CNOT10: variants seen among roughly 807,000 people sequenced by gnomAD.
The protein encoded by CNOT10 is CCR4-NOT transcription complex, subunit 10.
CNOT10 carries 30 observed loss-of-function variants against 94.6 expected under a neutral mutation model. The ratio of observed to expected loss-of-function variants is 0.32; its 90% CI spans 0.24 to 0.43. The LOEUF (loss-of-function observed/expected upper bound fraction) is 0.43. Ranked by LOEUF, CNOT10 falls within the 20% of genes least tolerant of loss-of-function variation. The probability of loss-of-function intolerance (pLI) is 1.00; values close to 1 mark genes in which losing one functional copy is unlikely to be tolerated. For missense variants in CNOT10, 759 were observed against 877.2 expected, an observed-to-expected ratio of 0.87 and a Z score of 1.70; for synonymous variants, 289 against 301.6, an observed-to-expected ratio of 0.96 and a Z score of 0.43.
chr3:32,716,298 C>G lies in CNOT10; in HGVS notation c.647C>G (p.Ser216Ter). The G allele has an allele frequency of 6.3e-7, 1 of 1,576,756 alleles. No homozygotes were observed. The highest frequency in any genetic ancestry group is 8.7e-7 in the Non-Finnish European group (1 of 1,151,862). Residue 216 changes from serine to a stop codon, truncating the protein, a stop_gained, in exon 6 of 19, where the codon TCA becomes TGA. Transcript: ENST00000328834. LOFTEE classifies it high-confidence loss of function. ...ESGALIEAAK[S>*]KIHQYKVRAY... ...GGAGCTCTAATAGAAGCTGCAAAAT[C>G]AAAGATACATCAGGTAGTATAAATT... is the stretch of plus-strand genomic sequence containing the variant.
At position 32,737,412 on chromosome 3, in the gene CNOT10, G is replaced by T. The variant is rs763029728; in HGVS notation, c.1517G>T (p.Ser506Ile). ...TAAGACTCTTACCTCTATTTTAGCA[G>T]TAAAAGCCATGATGGAGATAAATTC... is the stretch of plus-strand genomic sequence containing the variant. ...ESSESSETCS[S>I]KSHDGDKFIP... The change falls in exon 13 of 19, where the codon AGT becomes ATT. Residue 506 changes from serine to isoleucine, a missense_variant and splice_region_variant. By Grantham distance (142) the Ser-to-Ile change is moderately radical (BLOSUM62 -2). This residue lies in a region of CNOT10 where 682 missense variants were observed against 799.4 expected (regional missense o/e 0.85). Transcript: ENST00000328834. 7 of 1,599,690 alleles carry T rather than the reference G, an allele frequency of 4.4e-6. No homozygotes were observed. The highest frequency in any genetic ancestry group is 6.0e-6 in the Non-Finnish European group (7 of 1,168,456).
chr3:32,767,864 A>G (rs1422569887), intron 17 of CNOT10, among the ~76,000 whole-genome samples: 1 of 152,176 alleles, frequency 6.6e-6, no homozygotes, highest in Non-Finnish European at 1.5e-5. Flanking sequence ...AGAGCTTTTG[A>G]TCTAAAGTTA....
chr3:32,755,891 G>A (rs1267765414), intron 13 of CNOT10, among the ~76,000 whole-genome samples: 1 of 151,898 alleles, frequency 6.6e-6, no homozygotes, highest in Non-Finnish European at 1.5e-5. Flanking sequence ...AAAAGCTAGT[G>A]TCTCTTCCCT....
intron 5 of CNOT10, chr3:32,715,928 C>G (rs1698097980): frequency 4.8e-6 from 1 of 210,092 alleles, no homozygotes; most frequent in East Asian, 1.1e-4. Flanking sequence ...ACCTCAGCTT[C>G]CTGAGTAGCT....
At chr3:32,738,732 G>A (rs2125587826) in intron 13 of CNOT10, among the ~76,000 whole-genome samples, 1 of 152,042 alleles carries the variant, frequency 6.6e-6, no homozygotes, top group East Asian at 1.9e-4. Context: ...AAAGTGCTGG[G>A]TTTACAGGCG....
chr3:32,739,717 G>A (rs1384390170), intron 13 of CNOT10, among the ~76,000 whole-genome samples: 1 of 152,058 alleles, frequency 6.6e-6, no homozygotes, highest in Non-Finnish European at 1.5e-5. Context: ...CTGAGGTCAG[G>A]AGTTCGAGAT....
At chr3:32,772,674 G>A (rs1161472708) in intron 18 of CNOT10, among the ~76,000 whole-genome samples, 8 of 152,076 alleles carry the variant, frequency 5.3e-5, no homozygotes, top group African/African-American at 1.9e-4. Context: ...TCTAGCCTGG[G>A]CCACAGAACA....
chr3:32,722,273 G>A (rs958230282), intron 8 of CNOT10, among the ~76,000 whole-genome samples: 7 of 152,136 alleles, frequency 4.6e-5, no homozygotes, highest in African/African-American at 1.7e-4. Flanking sequence ...TCAGTTCACA[G>A]GAGTGATGGA....
At chr3:32,763,509 G>A (rs531032433) in intron 15 of CNOT10, among the ~76,000 whole-genome samples, 1 of 152,132 alleles carries the variant, frequency 6.6e-6, no homozygotes, top group Admixed American at 6.6e-5. Flanking sequence ...AATTAGTAGG[G>A]CGTGGTGGTG....
intron 1 of CNOT10, among the ~76,000 whole-genome samples, chr3:32,692,453 G>A (rs1696892258): frequency 6.6e-6 from 1 of 152,028 alleles, no homozygotes; most frequent in African/African-American, 2.4e-5. Flanking sequence ...TTAGATATAG[G>A]TTCAACATAT....
intron 5 of CNOT10, 26 bp downstream of exon 5, chr3:32,713,395 A>G (rs1441209919): frequency 1.3e-6 from 2 of 1,535,998 alleles, no homozygotes; most frequent in Non-Finnish European, 1.8e-6. Context: ...TGATCAGACT[A>G]AAATCTAAAA....
intron 13 of CNOT10, among the ~76,000 whole-genome samples, chr3:32,752,415 T>C (rs777597688): frequency 2.6e-5 from 4 of 152,218 alleles, no homozygotes; most frequent in Non-Finnish European, 5.9e-5. Flanking sequence ...GCAATTGGTT[T>C]AGGTGATCTT....
Position 32,695,739 on chromosome 3 carries a change from T to TG in CNOT10, c.23-8128dup, listed in dbSNP as rs926028273. The TG allele has an allele frequency of 3.9e-6, 6 of 1,535,866 alleles. No homozygotes were observed. The African/African-American group carries it at 8.2e-5, about 21-fold the overall frequency. On this transcript the variant is annotated intron_variant, in intron 1 of 18. Coordinates refer to ENST00000328834, the MANE Select transcript of CNOT10 (RefSeq NM_015442.3). Reference sequence around the variant, plus strand: ...GTAGAAGGAAAGTCAAGCTTATGGGTGAACGGTCGTATACTCTTTCAATTG... The same window carrying TG: ...GTAGAAGGAAAGTCAAGCTTATGGGTGGAACGGTCGTATACTCTTTCAATTG...
chr3:32,732,987 T>G (rs1459891215), intron 10 of CNOT10, among the ~76,000 whole-genome samples: 3 of 152,168 alleles, frequency 2.0e-5, no homozygotes, highest in African/African-American at 7.2e-5. Context: ...ACAATGTAAT[T>G]AATACTTTGA....
chr3:32,702,253 G>C (rs765074262), intron 1 of CNOT10, among the ~76,000 whole-genome samples: 17 of 152,166 alleles, frequency 1.1e-4, no homozygotes, highest in Non-Finnish European at 2.4e-4. Context: ...GAGCCATCAC[G>C]CCCAGCCAAC....
intron 8 of CNOT10, among the ~76,000 whole-genome samples, chr3:32,723,115 C>T (rs1350169910): frequency 1.3e-5 from 2 of 151,924 alleles, no homozygotes; most frequent in Admixed American, 6.6e-5. Context: ...TATTAAAGGC[C>T]GGGCACGGTG....
chr3:32,699,414 ATT>A (rs1243438217), intron 1 of CNOT10, among the ~76,000 whole-genome samples: 1 of 152,186 alleles, frequency 6.6e-6, no homozygotes, highest in Admixed American at 6.6e-5. Flanking sequence ...ATTTCTAGAC[ATT>A]TAGTATTATC....
chr3:32,737,553 A>T, intron 13 of CNOT10, 63 bp downstream of exon 13: 1 of 1,068,234 alleles, frequency 9.4e-7, no homozygotes, highest in South Asian at 1.4e-5. Context: ...GGCTGGGCAC[A>T]GTGGCTCATA....
At position 32,750,712 on chromosome 3, in the gene CNOT10, C is replaced by T. The variant is rs184787072; in HGVS notation, c.1596-8746C>T. Among the ~76,000 whole-genome samples, 330 of 151,964 alleles carry T rather than the reference C, an allele frequency of 2.2e-3. 5 individuals carry two copies. The highest frequency in any genetic ancestry group is 6.8e-3 in the Middle Eastern group (2 of 294). On this transcript the variant is annotated intron_variant, in intron 13 of 18. Coordinates refer to ENST00000328834, the MANE Select transcript of CNOT10 (RefSeq NM_015442.3). ...GATTATAGGCATGCACCACCAGGCC[C>T]GGCTAATTTTTGTATTTTTAGCAGA... is the stretch of plus-strand genomic sequence containing the variant.
Sources: gnomAD v4.1 joint callset for allele counts (sites outside exome capture counted in the v4.1 genomes callset) on GRCh38, gnomAD v4.1.1 for gene constraint, gnomAD v4.1.1 regional missense constraint, MANE v1.5 for transcripts, NCBI Gene and HGNC (gene_info 2026-07-23, HGNC 2026-07-21) for gene names.